The following ADAMTS9 variants were observed in gnomAD, a reference collection of about 807,000 sequenced individuals.
ADAMTS9 encodes the protein A disintegrin and metalloproteinase with thrombospondin motifs 9.
ADAMTS9 carries 107 observed loss-of-function variants against 257.1 expected under a neutral mutation model. The ratio of observed to expected loss-of-function variants is 0.42; its 90% confidence interval spans 0.36 to 0.49. The LOEUF is 0.49. Among genes scored for constraint, ADAMTS9 ranks in the 20% least tolerant of loss-of-function variants. The pLI is 0.03. For synonymous variants in ADAMTS9, 982 were observed against 880.9 expected (o/e 1.11, Z -2.03); for missense variants, 2,353 against 2,469.1 (o/e 0.95, Z 1.00).
rs542808606 is a variant in ADAMTS9 at position 64,603,605 on chromosome 3, T to A, written c.3747+317A>T. 3.3e-5 allele frequency among the ~76,000 whole-genome samples: 5 copies of A among 152,242 alleles called. No homozygotes were observed. The South Asian group carries it at 1.0e-3, about 32-fold the overall frequency. ...CTCACTCTCCTGACATTTTTGGTCC[T>A]CTACAAACCTACTGCATACTAATAT... On this transcript the variant is annotated intron_variant, in intron 25 of 39. Coordinates refer to ENST00000498707, the MANE Select transcript of ADAMTS9 (RefSeq NM_182920.2).
At chr3:64,652,725 G>A (rs1700962706) in intron 8 of ADAMTS9, among the ~76,000 whole-genome samples, 1 of 152,144 alleles carries the variant, frequency 6.6e-6, no homozygotes, top group Non-Finnish European at 1.5e-5. Flanking sequence ...CATTCACAAT[G>A]CACCAGAAAA....
At chr3:64,522,893 G>C (rs1389415711) in intron 38 of ADAMTS9, among the ~76,000 whole-genome samples, 1 of 152,104 alleles carries the variant, frequency 6.6e-6, no homozygotes, top group African/African-American at 2.4e-5. Flanking sequence ...GATGACAAAG[G>C]ATTGTGATTA....
intron 30 of ADAMTS9, among the ~76,000 whole-genome samples, chr3:64,559,200 A>T (rs574073032): frequency 6.6e-6 from 1 of 152,302 alleles, no homozygotes; most frequent in East Asian, 1.9e-4. Context: ...TTGCCCAGTT[A>T]CTGTCGTCCT....
rs546707113 is a variant in ADAMTS9 at position 64,683,350 on chromosome 3, T to G, written c.517-1987A>C. On this transcript the variant is annotated intron_variant, in intron 2 of 39. Coordinates refer to ENST00000498707, the MANE Select transcript of ADAMTS9 (RefSeq NM_182920.2). The stretch of plus-strand genomic sequence containing the variant: ...GCACAGCATTGAGTCTAACCTGACT[T>G]TAGTCTCGTGCCTTTTTATAAAAGA... Among the ~76,000 whole-genome samples the G allele has an allele frequency of 2.0e-5, 3 of 152,302 alleles. No individual in the cohort carries two copies. The East Asian group carries it at 5.8e-4, about 29-fold the overall frequency.
At chr3:64,677,262 G>A (rs929216712) in intron 3 of ADAMTS9, among the ~76,000 whole-genome samples, 4 of 152,060 alleles carry the variant, frequency 2.6e-5, no homozygotes, top group Admixed American at 6.6e-5. Flanking sequence ...ACTTCCCATC[G>A]TGAACCCTAA....
At chr3:64,546,107 T>A (rs985689197) in intron 32 of ADAMTS9, among the ~76,000 whole-genome samples, 10 of 152,258 alleles carry the variant, frequency 6.6e-5, no homozygotes, top group African/African-American at 1.2e-4. Flanking sequence ...TATCAGATTT[T>A]AAGCATTTTT....
At position 64,515,841 on chromosome 3, in the gene ADAMTS9, A is replaced by C. The variant is rs1354704298; in HGVS notation, c.*1286T>G. On this transcript the variant is annotated 3_prime_UTR_variant, in exon 40 of 40. Transcript: ENST00000498707. The stretch of plus-strand genomic sequence containing the variant: ...GGAAGTGGGCAGGGTTTCTCAAACC[A>C]AGTGTCTTCCATGGGCCATTGGCAA... 1 of 152,194 alleles carries C rather than the reference A, an allele frequency of 6.6e-6. No homozygotes were observed. Among genetic ancestry groups the C allele is most frequent in the East Asian group, 1.9e-4 (1 of 5,190 alleles). 9.4% of individuals were successfully genotyped at this position (152,194 alleles called of 1,614,324 possible).
intron 2 of ADAMTS9, among the ~76,000 whole-genome samples, chr3:64,682,067 T>A (rs1223493779): frequency 6.6e-6 from 1 of 152,116 alleles, no homozygotes; most frequent in Admixed American, 6.5e-5. Context: ...TGGCACATGA[T>A]CCTCTCACCA....
At chr3:64,544,836 A>G (rs565061588) in intron 32 of ADAMTS9, among the ~76,000 whole-genome samples, 2 of 152,220 alleles carry the variant, frequency 1.3e-5, no homozygotes, top group Non-Finnish European at 2.9e-5. Context: ...CAACCTACAG[A>G]ATGGGAGAAA....
intron 37 of ADAMTS9, among the ~76,000 whole-genome samples, chr3:64,537,686 C>T (rs1383706154): frequency 4.6e-5 from 7 of 152,290 alleles, no homozygotes; most frequent in African/African-American, 1.4e-4. Context: ...ATTCTGAACG[C>T]GTCACAGAAT....
intron 3 of ADAMTS9, among the ~76,000 whole-genome samples, chr3:64,674,547 A>T (rs555092852): frequency 1.2e-4 from 19 of 152,226 alleles, no homozygotes; most frequent in Non-Finnish European, 2.5e-4. Context: ...ATGTGCTTCC[A>T]CATTGCCAAG....
chr3:64,530,358 A>C (rs2082963130), intron 38 of ADAMTS9, among the ~76,000 whole-genome samples: 1 of 152,024 alleles, frequency 6.6e-6, no homozygotes, highest in Non-Finnish European at 1.5e-5. Flanking sequence ...CATTGCTAGG[A>C]CATGCTTCTC....
chr3:64,608,904 C>T (rs1384374628), intron 22 of ADAMTS9, among the ~76,000 whole-genome samples: 1 of 151,884 alleles, frequency 6.6e-6, no homozygotes, highest in African/African-American at 2.4e-5. Flanking sequence ...AATCCAATAG[C>T]ATACTAAAAG....
intron 4 of ADAMTS9, among the ~76,000 whole-genome samples, chr3:64,657,621 A>T (rs1410941198): frequency 6.6e-6 from 1 of 152,092 alleles, no homozygotes; most frequent in East Asian, 1.9e-4. Flanking sequence ...TACAGGCATG[A>T]GTGACTGCAC....
chr3:64,660,877 T>C (rs868441421), intron 3 of ADAMTS9, among the ~76,000 whole-genome samples: 3 of 152,188 alleles, frequency 2.0e-5, no homozygotes. Flanking sequence ...AAATCTTCCC[T>C]CTGTGAAATT....
intron 10 of ADAMTS9, among the ~76,000 whole-genome samples, chr3:64,649,032 C>T (rs549549701): frequency 6.6e-6 from 1 of 152,236 alleles, no homozygotes; most frequent in East Asian, 1.9e-4. Context: ...AATGGGCCAC[C>T]CCATAGAAAC....
intron 2 of ADAMTS9, chr3:64,685,172 T>C (rs1701866699): frequency 6.6e-6 from 1 of 152,242 alleles, no homozygotes; most frequent in Non-Finnish European, 1.5e-5. Context: ...AAGGGGTTTA[T>C]CCCTTTCCTT....
intron 30 of ADAMTS9, among the ~76,000 whole-genome samples, chr3:64,556,573 G>T (rs2083335540): frequency 6.6e-6 from 1 of 152,068 alleles, no homozygotes; most frequent in Non-Finnish European, 1.5e-5. Context: ...CTCCCTCCTT[G>T]GCCTCCCAAA....
At chr3:64,529,987 T>C (rs1400432427) in intron 38 of ADAMTS9, among the ~76,000 whole-genome samples, 1 of 125,110 alleles carries the variant, frequency 8.0e-6, no homozygotes, top group African/African-American at 3.3e-5. Context: ...ATTTAATTTT[T>C]TTTTTTTTTT....
Sources: gnomAD v4.1 joint callset for allele counts (sites outside exome capture counted in the v4.1 genomes callset) on GRCh38, gnomAD v4.1.1 for gene constraint, MANE v1.5 for transcripts, NCBI Gene and HGNC (gene_info 2026-07-23, HGNC 2026-07-21) for gene names.